The following CAMK4 variants were observed in gnomAD, a reference collection of about 807,000 sequenced individuals.
CAMK4 encodes the protein calcium/calmodulin-dependent protein kinase type IV.
CAMK4 carries 22 observed loss-of-function variants against 44.9 expected under a neutral mutation model. The observed-to-expected ratio is 0.49, with a 90% CI of 0.35 to 0.70. The LOEUF (loss-of-function observed/expected upper bound fraction) is 0.70. Among genes scored for constraint, CAMK4 ranks in the 30% least tolerant of loss-of-function variants. CAMK4 has a pLI of 0.01. For synonymous variants in CAMK4, 218 were observed against 215.4 expected (o/e 1.01, Z -0.11); for missense variants, 498 against 586.8 (o/e 0.85, Z 1.56).
intron 7 of CAMK4, among the ~76,000 whole-genome samples, chr5:111,454,230 C>T (rs1239437132): frequency 1.3e-5 from 2 of 152,070 alleles, no homozygotes; most frequent in East Asian, 1.9e-4. Flanking sequence ...TATCCAAGGT[C>T]GATTATCCTT....
intron 1 of CAMK4, among the ~76,000 whole-genome samples, chr5:111,300,708 A>G (rs1747684052): frequency 6.6e-6 from 1 of 152,198 alleles, no homozygotes; most frequent in African/African-American, 2.4e-5. Context: ...AAACTTTTGC[A>G]ACCTATTTTA....
intron 1 of CAMK4, among the ~76,000 whole-genome samples, chr5:111,318,904 G>T (rs139166918): frequency 6.6e-6 from 1 of 152,194 alleles, no homozygotes; most frequent in East Asian, 1.9e-4. Context: ...GATGTAAGTG[G>T]ATTCTTTGTT....
intron 1 of CAMK4, among the ~76,000 whole-genome samples, chr5:111,288,948 T>C (rs1326385240): frequency 6.6e-6 from 1 of 152,202 alleles, no homozygotes; most frequent in Non-Finnish European, 1.5e-5. Context: ...TTGGTTAAAG[T>C]CCCATGCACA....
At chr5:111,417,341 C>A (rs1232007244) in intron 5 of CAMK4, among the ~76,000 whole-genome samples, 1 of 151,956 alleles carries the variant, frequency 6.6e-6, no homozygotes, top group African/African-American at 2.4e-5. Flanking sequence ...CTCAGCCTCC[C>A]AAGTAGCTAG....
intron 5 of CAMK4, among the ~76,000 whole-genome samples, chr5:111,414,538 G>A (rs541793971): frequency 6.6e-6 from 1 of 152,074 alleles, no homozygotes; most frequent in Non-Finnish European, 1.5e-5. Context: ...ACATAATTTT[G>A]CTAGCCTGAT....
intron 5 of CAMK4, among the ~76,000 whole-genome samples, chr5:111,427,791 C>G (rs955031246): frequency 1.3e-5 from 2 of 152,200 alleles, no homozygotes; most frequent in African/African-American, 4.8e-5. Flanking sequence ...ACTTCTGGAC[C>G]CAGCGGGGGC....
intron 7 of CAMK4, among the ~76,000 whole-genome samples, chr5:111,460,594 C>G (rs897021112): frequency 5.3e-5 from 8 of 152,154 alleles, no homozygotes; most frequent in Non-Finnish European, 1.0e-4. Flanking sequence ...GCACCTCCAT[C>G]TACTGAAGAT....
intron 5 of CAMK4, among the ~76,000 whole-genome samples, chr5:111,440,835 T>C (rs903940804): frequency 6.6e-6 from 1 of 152,114 alleles, no homozygotes; most frequent in Admixed American, 6.6e-5. Context: ...AAAGAGCAAG[T>C]TTTCCAAGTC....
At chr5:111,265,466 G>A (rs452669) in intron 1 of CAMK4, among the ~76,000 whole-genome samples, 151,255 of 152,312 alleles carry the variant, frequency 0.99, 75,109 homozygotes, top group Middle Eastern at 1. Context: ...GCGGGTAGTC[G>A]GATTCTTTGG....
intron 5 of CAMK4, among the ~76,000 whole-genome samples, chr5:111,410,217 C>T (rs564974590): frequency 8.0e-5 from 12 of 150,900 alleles, no homozygotes; most frequent in Admixed American, 6.6e-4. Flanking sequence ...TTAATTGACC[C>T]ACAGTTCCAC....
At chr5:111,261,486 C>T (rs1000210676) in intron 1 of CAMK4, among the ~76,000 whole-genome samples, 11 of 152,220 alleles carry the variant, frequency 7.2e-5, no homozygotes, top group Admixed American at 7.2e-4. Context: ...CATGTAATCA[C>T]AAACAACCAT....
chr5:111,311,917 A>T (rs557817199), intron 1 of CAMK4, among the ~76,000 whole-genome samples: 63 of 152,116 alleles, frequency 4.1e-4, no homozygotes, highest in African/African-American at 1.4e-3. Flanking sequence ...TTTCCTTGGT[A>T]TTTTTTAGCT....
At chr5:111,471,495 A>C (rs1410666160) in intron 7 of CAMK4, among the ~76,000 whole-genome samples, 1 of 152,180 alleles carries the variant, frequency 6.6e-6, no homozygotes, top group Non-Finnish European at 1.5e-5. Flanking sequence ...TGATTTCGCC[A>C]TTCTTCCACC....
intron 4 of CAMK4, among the ~76,000 whole-genome samples, chr5:111,389,334 G>T (rs1453862728): frequency 5.9e-5 from 9 of 152,162 alleles, no homozygotes; most frequent in Non-Finnish European, 8.8e-5. Flanking sequence ...TTCAACATAT[G>T]AATTTGGGAG....
Position 111,245,131 on chromosome 5 carries a change from T to C in CAMK4, c.161+20487T>C, listed in dbSNP as rs909319956. 7.2e-5 allele frequency among the ~76,000 whole-genome samples: 11 copies of C among 152,266 alleles called. 1 individual carries two copies. Among genetic ancestry groups the C allele is most frequent in the East Asian group, 3.9e-4 (2 of 5,184 alleles). On this transcript the variant is annotated intron_variant, in intron 1 of 10. Transcript: ENST00000282356. ...CACATGTTACAGGACTAAGCTTACT[T>C]TTTACTTTTTTACAGTTGGGGACAT...
intron 1 of CAMK4, among the ~76,000 whole-genome samples, chr5:111,233,548 C>G (rs1044094859): frequency 2.6e-5 from 4 of 152,130 alleles, no homozygotes; most frequent in South Asian, 2.1e-4. Flanking sequence ...TATCAAAAGA[C>G]TATTTATTGG....
At chr5:111,456,086 T>C (rs972245280) in intron 7 of CAMK4, among the ~76,000 whole-genome samples, 13 of 152,312 alleles carry the variant, frequency 8.5e-5, no homozygotes, top group Admixed American at 7.2e-4. Flanking sequence ...TTATGCAGTA[T>C]GATTTTTCCA....
At chr5:111,279,198 C>T (rs1420101814) in intron 1 of CAMK4, among the ~76,000 whole-genome samples, 6 of 152,126 alleles carry the variant, frequency 3.9e-5, no homozygotes, top group Non-Finnish European at 8.8e-5. Flanking sequence ...ATACACTGAC[C>T]TGAGAAGTCG....
intron 5 of CAMK4, among the ~76,000 whole-genome samples, chr5:111,395,564 G>A (rs1012368977): frequency 2.0e-5 from 3 of 152,000 alleles, no homozygotes; most frequent in African/African-American, 7.2e-5. Flanking sequence ...TAATTGGAAA[G>A]AAAGAATGTA....
Sources: gnomAD v4.1 joint callset for allele counts (sites outside exome capture counted in the v4.1 genomes callset) on GRCh38, gnomAD v4.1.1 for gene constraint, MANE v1.5 for transcripts, NCBI Gene and HGNC (gene_info 2026-07-23, HGNC 2026-07-21) for gene names.